UNKL: variants seen among roughly 807,000 people sequenced by gnomAD.
UNKL encodes putative E3 ubiquitin-protein ligase UNKL.
In UNKL, 60 loss-of-function variants were observed where a neutral mutation model predicts 78.0. The observed-to-expected ratio is 0.77, with a 90% CI of 0.63 to 0.95. The LOEUF is 0.95. Among genes scored for constraint, UNKL ranks in the 40% least tolerant of loss-of-function variants. The pLI, the probability that UNKL is intolerant of heterozygous loss-of-function variation, is 0.00. For missense variants in UNKL, 1,159 were observed against 1,045.7 expected, an observed-to-expected ratio of 1.11 and a Z score of -1.49; for synonymous variants, 608 against 474.8, an observed-to-expected ratio of 1.28 and a Z score of -3.65.
chr16:1,395,565 T>C (rs1386056606), intron 6 of UNKL: 9 of 405,132 alleles, frequency 2.2e-5, no homozygotes, highest in Non-Finnish European at 4.1e-5. Flanking sequence ...CACCTTCTAG[T>C]GGAGGCACAG....
intron 2 of UNKL, among the ~76,000 whole-genome samples, chr16:1,413,480 A>C (rs2038140081): frequency 6.6e-6 from 1 of 152,080 alleles, no homozygotes; most frequent in Non-Finnish European, 1.5e-5. Context: ...AGGCAGGAGA[A>C]TCACTTGAAC....
intron 9 of UNKL, among the ~76,000 whole-genome samples, chr16:1,388,090 G>A (rs2036893005): frequency 6.6e-6 from 1 of 152,190 alleles, no homozygotes; most frequent in African/African-American, 2.4e-5. Context: ...GAGAGCTGAG[G>A]GACTGTTGCC....
In UNKL at chr16:1,370,340, C is replaced by A. The variant is rs138288642; in HGVS notation, c.1375G>T (p.Gly459Cys). ...LGAAGPRSLA[G>C]SAPVAIPGSL... ...CCGGGGATGGCGACAGGTGCAGAGC[C>A]GGCCAGCGACCTGGGACCTGGCGGG... is the stretch of plus-strand genomic sequence containing the variant. The change falls in exon 12 of 15, where the codon GGC (glycine) becomes TGC (cysteine). Residue 459 changes from glycine to cysteine, a missense_variant. By Grantham distance (159) the Gly-to-Cys change is radical (BLOSUM62 -3). Coordinates refer to ENST00000389221, the MANE Select transcript of UNKL (RefSeq NM_001372107.1). The A allele has an allele frequency of 2.0e-6, 3 of 1,532,800 alleles. No homozygotes were observed. Among genetic ancestry groups the A allele is most frequent in the Admixed American group, 2.0e-5 (1 of 50,452 alleles). The allele number at this position is 1,532,800 out of a possible 1,614,324, so 94.9% of individuals were successfully genotyped here.
rs867097744 is a variant in UNKL at position 1,363,454 on chromosome 16, G to A, written c.*2786C>T. On this transcript the variant is annotated 3_prime_UTR_variant, in exon 15 of 15. Coordinates refer to ENST00000389221, the MANE Select transcript of UNKL (RefSeq NM_001372107.1). ...ATTAATCCACTTGAGGCGTCCACGC[G>A]GAACAAGGTCTGCTGACCACAGTTA... 1.7e-5 allele frequency: 6 copies of A among 343,196 alleles called. No individual in the cohort carries two copies. Among genetic ancestry groups the A allele is most frequent in the South Asian group, 4.6e-5 (2 of 43,290 alleles). 21.3% of individuals were successfully genotyped at this position (343,196 alleles called of 1,614,324 possible). A position where few individuals can be genotyped will look rare whatever the true frequency, so the allele number is the denominator to read the frequency against.
rs145062128 is a variant in UNKL at position 1,411,412 on chromosome 16, G to A, written c.287+2434C>T. The stretch of plus-strand genomic sequence containing the variant: ...CCAGGAGTGATAGAGCACTCCTGTG[G>A]TCCCAGCTGCTCAGGAGGCTGAGGC... On this transcript the variant is annotated intron_variant, in intron 2 of 14. Transcript: ENST00000389221. Among the ~76,000 whole-genome samples, 22 of 152,150 alleles carry A rather than the reference G, an allele frequency of 1.4e-4. No homozygotes were observed. The East Asian group carries it at 4.3e-3, about 29-fold the overall frequency.
intron 10 of UNKL, among the ~76,000 whole-genome samples, chr16:1,378,578 G>C (rs2036414849): frequency 6.6e-6 from 1 of 152,202 alleles, no homozygotes; most frequent in African/African-American, 2.4e-5. Context: ...AGCATGTGGA[G>C]GGGCTAAGCT....
intron 6 of UNKL, 71 bp from the exon 7 acceptor site, chr16:1,394,286 A>G: frequency 1.3e-6 from 2 of 1,499,666 alleles, no homozygotes; most frequent in South Asian, 2.4e-5. Flanking sequence ...AGCTGGCATC[A>G]TCCCAAGGGA....
intron 10 of UNKL, chr16:1,383,648 C>T (rs752604924): frequency 1.2e-5 from 5 of 418,376 alleles, no homozygotes; most frequent in South Asian, 8.2e-5. Flanking sequence ...GGGCTTGCAG[C>T]TGGGCCTGAG....
chr16:1,374,672 A>G (rs981848142), intron 10 of UNKL, among the ~76,000 whole-genome samples: 6 of 151,998 alleles, frequency 3.9e-5, no homozygotes, highest in African/African-American at 1.5e-4. Context: ...CTCACTCCCC[A>G]CAACCCACCC....
At position 1,404,290 on chromosome 16, in the gene UNKL, C is replaced by T. The variant is rs141678460; in HGVS notation, c.288-946G>A. Among the ~76,000 whole-genome samples, 70 of 152,326 alleles carry T rather than the reference C, an allele frequency of 4.6e-4. 1 individual carries two copies. The East Asian group carries it at 7.5e-3, about 16-fold the overall frequency. The stretch of plus-strand genomic sequence containing the variant: ...TTCACCTCCAGCTCCAACTGGGGAG[C>T]TCCGTGAGGGCCCCGCCCACCTCAC... On this transcript the variant is annotated intron_variant, in intron 2 of 14. Transcript: ENST00000389221.
In UNKL at chr16:1,399,346, T is replaced by G; in HGVS notation, c.734+28A>C. On this transcript the variant is annotated intron_variant, in intron 5 of 14. Transcript: ENST00000389221. The surrounding 1 kb of genome is among the most constrained non-coding windows in gnomAD (Gnocchi z 5.8). ...CGGGAAGGACGCCCACCAGCCGGAG[T>G]CCTCTGAGCACGGTCCCGCAGGCTC... is the stretch of plus-strand genomic sequence containing the variant. 1 of 1,534,050 alleles carries G rather than the reference T, an allele frequency of 6.5e-7. No homozygotes were observed. The highest frequency in any genetic ancestry group is 8.8e-7 in the Non-Finnish European group (1 of 1,139,682).
rs114477274 is a variant in UNKL, at chr16:1,405,422, C to G, written c.288-2078G>C. Among the ~76,000 whole-genome samples the G allele has an allele frequency of 3.0e-3, 453 of 151,878 alleles. 1 individual carries two copies. The highest frequency in any genetic ancestry group is 0.01 in the African/African-American group (434 of 41,416). ...CAGCCTGGCTGGTCTACTAAAAATACAAAATTTAGCCGGGCATGATAGCAG... is the reference window on the plus strand; with the variant it reads ...CAGCCTGGCTGGTCTACTAAAAATAGAAAATTTAGCCGGGCATGATAGCAG... On this transcript the variant is annotated intron_variant, in intron 2 of 14. Coordinates refer to ENST00000389221, the MANE Select transcript of UNKL (RefSeq NM_001372107.1).
At chr16:1,374,322 C>T (rs1329140399) in intron 10 of UNKL, among the ~76,000 whole-genome samples, 1 of 152,194 alleles carries the variant, frequency 6.6e-6, no homozygotes, top group African/African-American at 2.4e-5. Context: ...CTGCTGGCTG[C>T]AAGTTCTTGG....
chr16:1,413,728 C>T (rs2038153026), intron 2 of UNKL, 118 bp downstream of exon 2: 2 of 1,151,006 alleles, frequency 1.7e-6, no homozygotes, highest in South Asian at 1.7e-5. Flanking sequence ...ATAATTACGA[C>T]TCCCTCTGCA....
intron 2 of UNKL, among the ~76,000 whole-genome samples, chr16:1,406,403 G>A (rs2037765633): frequency 6.6e-6 from 1 of 152,080 alleles, no homozygotes; most frequent in African/African-American, 2.4e-5. Context: ...AGTAGAGACA[G>A]GGTTTCACCA....
intron 14 of UNKL, among the ~76,000 whole-genome samples, 184 bp from the exon 15 acceptor site, chr16:1,366,579 G>A (rs1039821236): frequency 5.3e-5 from 8 of 152,062 alleles, no homozygotes; most frequent in Non-Finnish European, 1.0e-4. Flanking sequence ...CGGGGTCAGG[G>A]GGTATGCTCT....
intron 10 of UNKL, chr16:1,384,012 C>T (rs555900724): frequency 4.6e-4 from 91 of 195,920 alleles, no homozygotes; most frequent in Non-Finnish European, 8.4e-4. Context: ...CCCATTCCAC[C>T]CCAGCCCAGG....
At chr16:1,374,467 A>G (rs546035162) in intron 10 of UNKL, among the ~76,000 whole-genome samples, 1 of 152,024 alleles carries the variant, frequency 6.6e-6, no homozygotes, top group African/African-American at 2.4e-5. Context: ...TGGTCCCTCC[A>G]TGGCCCCAGG....
At chr16:1,368,876 G>T (rs2141940213) in intron 12 of UNKL, among the ~76,000 whole-genome samples, 1 of 152,084 alleles carries the variant, frequency 6.6e-6, no homozygotes, top group South Asian at 2.1e-4. Context: ...GGACGACAGA[G>T]TGAAACTTTG....
Sources: allele counts gnomAD v4.1 joint callset (sites outside exome capture counted in the v4.1 genomes callset), GRCh38; gene constraint gnomAD v4.1.1; non-coding constraint Gnocchi (gnomAD v3.1); transcripts MANE v1.5; gene names NCBI Gene and HGNC (gene_info 2026-07-23, HGNC 2026-07-21).